Variants in PROS1 observed in about 807,000 individuals in gnomAD.
The protein encoded by PROS1 is vitamin K-dependent protein S.
A neutral mutation model predicts 75.9 loss-of-function variants in PROS1; 29 were observed. The observed-to-expected ratio is 0.38, with a 90% CI of 0.28 to 0.52. The LOEUF is 0.52. Among genes scored for constraint, PROS1 ranks in the 20% least tolerant of loss-of-function variants. The pLI is 0.83. For synonymous variants in PROS1, 245 were observed against 280.6 expected, an observed-to-expected ratio of 0.87 and a Z score of 1.27; for missense variants, 680 against 810.3, an observed-to-expected ratio of 0.84 and a Z score of 1.95.
intron 14 of PROS1, among the ~76,000 whole-genome samples, chr3:93,876,588 CAAAAAAAAAAAA>C (rs34147087): frequency 1.1e-4 from 4 of 34,992 alleles, no homozygotes; most frequent in African/African-American, 2.1e-4. Context: ...GACTCCATCT[CAAAAAAAAAAAA>C]AAAAAAAAAA....
At chr3:93,952,037 C>A (rs1238029838) in intron 1 of PROS1, among the ~76,000 whole-genome samples, 1 of 152,110 alleles carries the variant, frequency 6.6e-6, no homozygotes, top group African/African-American at 2.4e-5. Flanking sequence ...GCTAACAACC[C>A]TAAATATATA....
At position 93,973,887 on chromosome 3, in the gene PROS1, T is replaced by A; in HGVS notation, c.-138A>T. ...GGCGGCGCCAGCGACCCAGCGAGCC[T>A]CGGCGGAACAGCCGGGGGCGGAGGA... is the stretch of plus-strand genomic sequence containing the variant. On this transcript the variant is annotated 5_prime_UTR_variant, in exon 1 of 15. Coordinates refer to ENST00000394236, the MANE Select transcript of PROS1 (RefSeq NM_000313.4). 5.1e-6 allele frequency: 3 copies of A among 592,372 alleles called. No individual in the cohort carries two copies. The highest frequency in any genetic ancestry group is 7.7e-6 in the Non-Finnish European group (3 of 388,696). 36.7% of individuals were successfully genotyped at this position (592,372 alleles called of 1,614,324 possible).
At chr3:93,881,102 C>T (rs929593406) in intron 12 of PROS1, among the ~76,000 whole-genome samples, 1 of 152,018 alleles carries the variant, frequency 6.6e-6, no homozygotes, top group African/African-American at 2.4e-5. Context: ...GCAGGAGTAT[C>T]ACTTGAGTTA....
intron 1 of PROS1, among the ~76,000 whole-genome samples, chr3:93,936,359 C>T (rs879530964): frequency 6.6e-6 from 1 of 151,976 alleles, no homozygotes; most frequent in Non-Finnish European, 1.5e-5. Context: ...CTGAGCACCA[C>T]GTAATATGCC....
chr3:93,917,872 C>G (rs911152239), intron 3 of PROS1, among the ~76,000 whole-genome samples: 1 of 152,180 alleles, frequency 6.6e-6, no homozygotes, highest in Non-Finnish European at 1.5e-5. Flanking sequence ...CCTCCCCCGC[C>G]TCTGTGGGCT....
rs1207775549 is a variant in PROS1, at chr3:93,873,343, C to A, written c.*902G>T. On this transcript the variant is annotated 3_prime_UTR_variant, in exon 15 of 15. Coordinates refer to ENST00000394236, the MANE Select transcript of PROS1 (RefSeq NM_000313.4). ...TTCACTATATCCCTCTGTGGTTGTC[C>A]TTTTGTTAAAATTTGTTCTGGTTTT... The A allele has an allele frequency of 6.6e-6, 1 of 152,142 alleles. No individual in the cohort carries two copies. Among genetic ancestry groups the A allele is most frequent in the Non-Finnish European group, 1.5e-5 (1 of 68,014 alleles). 9.4% of individuals were successfully genotyped at this position (152,142 alleles called of 1,614,324 possible). A position where few individuals can be genotyped will look rare whatever the true frequency, so the allele number is the denominator to read the frequency against.
intron 1 of PROS1, among the ~76,000 whole-genome samples, chr3:93,965,903 C>T (rs1319133073): frequency 1.3e-5 from 2 of 152,058 alleles, no homozygotes; most frequent in African/African-American, 4.8e-5. Context: ...TCATGTTGGC[C>T]AGACTGATCC....
chr3:93,973,458 G>A (rs993775854), intron 1 of PROS1: 20 of 601,508 alleles, frequency 3.3e-5, no homozygotes, highest in Non-Finnish European at 5.8e-5. Flanking sequence ...CTGTCCTGTA[G>A]GCAATACATT....
chr3:93,885,031 G>C (rs1427620480), intron 11 of PROS1, 135 bp from the exon 12 acceptor site: 13 of 832,982 alleles, frequency 1.6e-5, no homozygotes, highest in Middle Eastern at 3.6e-4. Flanking sequence ...TTTTATTTAA[G>C]TTTTTCTTTT....
At chr3:93,959,353 A>G (rs570743612) in intron 1 of PROS1, among the ~76,000 whole-genome samples, 2 of 152,122 alleles carry the variant, frequency 1.3e-5, no homozygotes, top group Non-Finnish European at 2.9e-5. Context: ...AAAAATAATA[A>G]AAGAAAGAAA....
At chr3:93,879,858 T>C (rs1350668300) in intron 12 of PROS1, among the ~76,000 whole-genome samples, 1 of 152,228 alleles carries the variant, frequency 6.6e-6, no homozygotes, top group Non-Finnish European at 1.5e-5. Context: ...TCTCTTGTCA[T>C]AATCCTTCAC....
At chr3:93,922,864 T>C (rs764345407) in intron 3 of PROS1, among the ~76,000 whole-genome samples, 1 of 152,156 alleles carries the variant, frequency 6.6e-6, no homozygotes, top group African/African-American at 2.4e-5. Flanking sequence ...AAAAAAATCA[T>C]AATAAAAAGT....
intron 1 of PROS1, among the ~76,000 whole-genome samples, chr3:93,966,481 C>A (rs535454378): frequency 6.6e-6 from 1 of 152,216 alleles, no homozygotes; most frequent in South Asian, 2.1e-4. Context: ...AGTGCAAGGA[C>A]CACAAACTAA....
At chr3:93,902,184 T>C (rs894016150) in intron 6 of PROS1, among the ~76,000 whole-genome samples, 1 of 151,944 alleles carries the variant, frequency 6.6e-6, no homozygotes, top group Non-Finnish European at 1.5e-5. Flanking sequence ...GCATGTGTTC[T>C]TGTTACTAAG....
chr3:93,924,728 C>A (rs1409891003), intron 2 of PROS1, among the ~76,000 whole-genome samples: 1 of 150,004 alleles, frequency 6.7e-6, no homozygotes, highest in Non-Finnish European at 1.5e-5. Context: ...AGTGGTATGA[C>A]CATGACTCAC....
At chr3:93,964,600 C>G (rs746021735) in intron 1 of PROS1, among the ~76,000 whole-genome samples, 1 of 152,170 alleles carries the variant, frequency 6.6e-6, no homozygotes, top group Non-Finnish European at 1.5e-5. Context: ...ATGTGCACCA[C>G]GGAACAAAGA....
At chr3:93,906,323 T>C (rs891869846) in intron 4 of PROS1, among the ~76,000 whole-genome samples, 180 bp from the exon 5 acceptor site, 1 of 152,238 alleles carries the variant, frequency 6.6e-6, no homozygotes, top group African/African-American at 2.4e-5. Flanking sequence ...TCTTTATAAT[T>C]ATTTTGTAAA....
intron 2 of PROS1, among the ~76,000 whole-genome samples, chr3:93,925,128 T>A (rs1298296982): frequency 6.6e-6 from 1 of 152,204 alleles, no homozygotes; most frequent in Non-Finnish European, 1.5e-5. Flanking sequence ...AGAAAAATGT[T>A]AAAAATTTCT....
chr3:93,934,995 A>G (rs139951100), intron 1 of PROS1, among the ~76,000 whole-genome samples: 1 of 152,232 alleles, frequency 6.6e-6, no homozygotes, highest in Non-Finnish European at 1.5e-5. Flanking sequence ...GATTAACTAG[A>G]CAGAGAAAGC....
Sources: allele counts gnomAD v4.1 joint callset (sites outside exome capture counted in the v4.1 genomes callset), GRCh38; gene constraint gnomAD v4.1.1; transcripts MANE v1.5; gene names NCBI Gene and HGNC (gene_info 2026-07-23, HGNC 2026-07-21).